Variants in DYSF observed in about 807,000 individuals in gnomAD.
DYSF encodes dysferlin.
Under a neutral mutation model 274.9 loss-of-function variants are expected in DYSF, and 212 were observed. That is an observed-to-expected ratio of 0.77 (90% CI 0.69 to 0.86). The LOEUF (loss-of-function observed/expected upper bound fraction) is 0.86, where lower values mean the gene tolerates loss of function less well. Ranked by LOEUF, DYSF falls within the 40% of genes least tolerant of loss-of-function variation. The probability of loss-of-function intolerance (pLI) is 0.00; values close to 1 mark genes in which losing one functional copy is unlikely to be tolerated. For synonymous variants in DYSF, 1,091 were observed against 1,078.7 expected, an observed-to-expected ratio of 1.01 and a Z score of -0.22; for missense variants, 2,666 against 2,783.2, an observed-to-expected ratio of 0.96 and a Z score of 0.95.
At chr2:71,527,332 C>T (rs1559082219) in intron 13 of DYSF, among the ~76,000 whole-genome samples, 1 of 152,176 alleles carries the variant, frequency 6.6e-6, no homozygotes, top group Admixed American at 6.5e-5. Flanking sequence ...ATAAAGGTAA[C>T]TATTTGAGAG....
At chr2:71,656,357 G>C (rs2094770136) in intron 43 of DYSF, 67 bp downstream of exon 43, 11 of 1,606,770 alleles carry the variant, frequency 6.8e-6, no homozygotes, top group Admixed American at 1.7e-5. Flanking sequence ...AATAAGTGAA[G>C]GGGAGGGGTC....
intron 3 of DYSF, among the ~76,000 whole-genome samples, chr2:71,486,877 C>G (rs774513822): frequency 6.6e-6 from 1 of 152,228 alleles, no homozygotes; most frequent in Non-Finnish European, 1.5e-5. Flanking sequence ...CGAGGCTTCT[C>G]AGAGAGAAGC....
chr2:71,626,516 T>C (rs1183956597), intron 41 of DYSF, among the ~76,000 whole-genome samples: 1 of 151,630 alleles, frequency 6.6e-6, no homozygotes, highest in Non-Finnish European at 1.5e-5. Context: ...GAGAGCTTAA[T>C]TACAGTAATA....
intron 43 of DYSF, 63 bp downstream of exon 43, chr2:71,656,353 T>G: frequency 6.2e-7 from 1 of 1,608,294 alleles, no homozygotes; most frequent in Non-Finnish European, 8.5e-7. Context: ...GAGCAATAAG[T>G]GAAGGGGAGG....
intron 41 of DYSF, among the ~76,000 whole-genome samples, chr2:71,641,741 T>G (rs534761789): frequency 6.6e-6 from 1 of 152,310 alleles, no homozygotes; most frequent in East Asian, 1.9e-4. Context: ...GTTTTAGTTT[T>G]GGTTTTCTCT....
chr2:71,509,057 T>C (rs1383631767), intron 4 of DYSF, among the ~76,000 whole-genome samples: 1 of 152,116 alleles, frequency 6.6e-6, no homozygotes, highest in Non-Finnish European at 1.5e-5. Flanking sequence ...GGTTTTACCA[T>C]GTTGGCCAGG....
chr2:71,578,090 T>C (rs1438893806), intron 30 of DYSF, among the ~76,000 whole-genome samples: 3 of 152,200 alleles, frequency 2.0e-5, no homozygotes, highest in African/African-American at 7.2e-5. Context: ...GTGAAGCACT[T>C]CTCAGACTTA....
At chr2:71,567,053 G>A (rs1307541332) in intron 24 of DYSF, among the ~76,000 whole-genome samples, 1 of 152,234 alleles carries the variant, frequency 6.6e-6, no homozygotes, top group African/African-American at 2.4e-5. Flanking sequence ...GGTACTTAAT[G>A]TGTTGCCTCC....
At position 71,466,721 on chromosome 2, in the gene DYSF, A is replaced by C; in HGVS notation, c.-122A>C. The C allele has an allele frequency of 1.4e-6, 2 of 1,394,258 alleles. No homozygotes were observed. The highest frequency in any genetic ancestry group is 1.6e-5 in the South Asian group (1 of 62,190). 86.4% of individuals were successfully genotyped at this position (1,394,258 alleles called of 1,614,324 possible). ...GTCACTTCTCCGCGGAGGAGCAGCG[A>C]AGGCGACAGCTCTCTTGGCGCGGCT... On this transcript the variant is annotated 5_prime_UTR_variant, in exon 1 of 56. Transcript: ENST00000410020.
At chr2:71,570,097 A>ACACTGACT in intron 27 of DYSF, 132 bp from the exon 28 acceptor site, 1 of 1,066,060 alleles carries the variant, frequency 9.4e-7, no homozygotes, top group Non-Finnish European at 1.4e-6. Context: ...TGGTGGCAGG[A>ACACTGACT]CACTGACTCT....
At chr2:71,644,653 A>G (rs914454604) in intron 42 of DYSF, among the ~76,000 whole-genome samples, 5 of 152,244 alleles carry the variant, frequency 3.3e-5, no homozygotes, top group African/African-American at 1.2e-4. Context: ...GAAATGAGTC[A>G]GCCAAATTGT....
Position 71,669,673 on chromosome 2 carries a change from G to C in DYSF, c.5711G>C (p.Gly1904Ala), listed in dbSNP as rs1024524968. The C allele has an allele frequency of 8.7e-6, 14 of 1,614,032 alleles. No individual in the cohort carries two copies. The highest frequency in any genetic ancestry group is 2.7e-5 in the African/African-American group (2 of 74,910). ...CATTATCGTTCCCTGGGAGGTGAAG[G>C]CAACTTCAACTGGAGGTTCATTTTC... is the stretch of plus-strand genomic sequence containing the variant. Reference protein sequence around the residue: ...DVHYRSLGGEGNFNWRFIFPF... With the variant: ...DVHYRSLGGEANFNWRFIFPF... Residue 1904 changes from glycine (G) to alanine (A), a missense_variant, in exon 51 of 56, where the codon GGC (glycine) becomes GCC (alanine). Around this residue, in one of 3 missense-constraint regions of DYSF, gnomAD observed 1,460 missense variants for 1,502.1 expected, o/e 0.97. Transcript: ENST00000410020.
At chr2:71,480,536 A>G (rs1012052212) in intron 1 of DYSF, among the ~76,000 whole-genome samples, 1 of 152,194 alleles carries the variant, frequency 6.6e-6, no homozygotes, top group Non-Finnish European at 1.5e-5. Flanking sequence ...CCTGGGCAAC[A>G]GAGTGAGATG....
intron 16 of DYSF, among the ~76,000 whole-genome samples, chr2:71,538,053 T>G (rs1209206927): frequency 6.6e-6 from 1 of 152,240 alleles, no homozygotes; most frequent in East Asian, 1.9e-4. Flanking sequence ...ATCAAAGCTC[T>G]GGTCTCCACG....
intron 41 of DYSF, among the ~76,000 whole-genome samples, chr2:71,635,748 C>A (rs868271513): frequency 3.4e-3 from 240 of 69,674 alleles, no homozygotes; most frequent in South Asian, 5.9e-3. Flanking sequence ...GACTCTGTCT[C>A]AAAAAAAAAA....
At chr2:71,601,388 G>GGCT in intron 34 of DYSF, 111 bp from the exon 35 acceptor site, 1 of 1,421,942 alleles carries the variant, frequency 7.0e-7, no homozygotes, top group Non-Finnish European at 9.9e-7. Context: ...AAGGAATAGA[G>GGCT]GCTGCAAACC....
intron 24 of DYSF, among the ~76,000 whole-genome samples, chr2:71,567,185 T>C (rs2092157488): frequency 6.6e-6 from 1 of 152,236 alleles, no homozygotes; most frequent in Non-Finnish European, 1.5e-5. Flanking sequence ...TGTTGGGTTG[T>C]TGTGGTTATT....
At chr2:71,521,174 C>G (rs1289952838) in intron 12 of DYSF, among the ~76,000 whole-genome samples, 1 of 152,170 alleles carries the variant, frequency 6.6e-6, no homozygotes, top group Non-Finnish European at 1.5e-5. Flanking sequence ...GATATATGCA[C>G]ATATTTTCTT....
intron 30 of DYSF, among the ~76,000 whole-genome samples, chr2:71,587,527 G>A (rs960926877): frequency 7.2e-5 from 11 of 152,126 alleles, no homozygotes; most frequent in South Asian, 2.1e-4. Context: ...GCCTTCCCTC[G>A]TAAGGTCATT....
Sources: gnomAD v4.1 joint callset for allele counts (sites outside exome capture counted in the v4.1 genomes callset) on GRCh38, gnomAD v4.1.1 for gene constraint, gnomAD v4.1.1 regional missense constraint, MANE v1.5 for transcripts, NCBI Gene and HGNC (gene_info 2026-07-23, HGNC 2026-07-21) for gene names.